The following MAGEA11 variants were observed in gnomAD, a reference collection of about 807,000 sequenced individuals.
MAGEA11 encodes the protein melanoma-associated antigen 11.
Under a neutral mutation model 8.4 loss-of-function variants are expected in MAGEA11, and 1 was observed. The ratio of observed to expected loss-of-function variants is 0.12; its 90% CI spans 0.04 to 0.57. MAGEA11 has a LOEUF of 0.57. MAGEA11 is among the 20% of genes least tolerant of loss of function. The pLI, the probability that MAGEA11 is intolerant of heterozygous loss-of-function variation, is 0.91. For synonymous variants in MAGEA11, 127 were observed against 119.3 expected (o/e 1.06, Z -0.42); for missense variants, 209 against 317.3 (o/e 0.66, Z 2.59).
At chrX:149,693,833 T>C (rs1048539027) in intron 1 of MAGEA11, among the ~76,000 whole-genome samples, 1 of 112,267 alleles carries the variant, frequency 8.9e-6, no homozygotes, top group Admixed American at 9.4e-5. Context: ...GCTTTTTGTG[T>C]GTGTTTGTCT....
At position 149,689,949 on chromosome X, in the gene MAGEA11, C is replaced by T. The variant is rs781783430; in HGVS notation, c.9+965C>T. Among the ~76,000 whole-genome samples, 11 of 112,304 alleles carry T rather than the reference C, an allele frequency of 9.8e-5. No homozygotes were observed. The South Asian group carries it at 3.8e-3, about 39-fold the overall frequency. On this transcript the variant is annotated intron_variant, in intron 1 of 3. Coordinates refer to the MAGEA11 transcript ENST00000333104. ...GTTTACCCTCCCTCCCTCCAATCCACTATCCCTCTGAGAATTTTGCAAGGA... is the reference window on the plus strand; with the variant it reads ...GTTTACCCTCCCTCCCTCCAATCCATTATCCCTCTGAGAATTTTGCAAGGA...
chrX:149,696,812 G>C (rs1210747720), intron 1 of MAGEA11, among the ~76,000 whole-genome samples: 2 of 111,871 alleles, frequency 1.8e-5, no homozygotes, highest in East Asian at 5.6e-4. Context: ...CTTTTACATG[G>C]CTTCTGGCCC....
chrX:149,714,849 C>T (rs1419496327), intron 3 of MAGEA11, among the ~76,000 whole-genome samples: 1 of 111,216 alleles, frequency 9.0e-6, no homozygotes, highest in Non-Finnish European at 1.9e-5. Context: ...GGGACTCAGC[C>T]CTTCCCTGCC....
intron 1 of MAGEA11, among the ~76,000 whole-genome samples, chrX:149,703,801 T>C (rs2090364071): frequency 8.9e-6 from 1 of 111,857 alleles, no homozygotes; most frequent in Non-Finnish European, 1.9e-5. Context: ...CACACAATAA[T>C]AATAGCCACT....
At chrX:149,701,030 G>A (rs2090350814) in intron 1 of MAGEA11, among the ~76,000 whole-genome samples, 1 of 110,124 alleles carries the variant, frequency 9.1e-6, no homozygotes, top group Non-Finnish European at 1.9e-5. Context: ...AAACATACGT[G>A]TGCATGTGTC....
At chrX:149,688,970 A>C in exon 1 of MAGEA11, 1 of 1,027,338 alleles carries the variant, frequency 9.7e-7, no homozygotes. Context: ...CAGGCTAGGA[A>C]TACCAATGAG....
At chrX:149,707,812 T>C (rs2090383609), upstream of MAGEA11, among the ~76,000 whole-genome samples, 1 of 112,302 alleles carries the variant, frequency 8.9e-6, no homozygotes, top group Non-Finnish European at 1.9e-5. Context: ...TAAACATTTA[T>C]CCTCTTATTT....
At chrX:149,689,111 TC>T (rs1557359922) in intron 1 of MAGEA11, 4 of 585,462 alleles carry the variant, frequency 6.8e-6, no homozygotes, top group African/African-American at 2.3e-5. Context: ...TCAGAATGCC[TC>T]CCATGGTTTC....
At chrX:149,689,043 CTAATTCAG>C in intron 1 of MAGEA11, 1 of 943,221 alleles carries the variant, frequency 1.1e-6, no homozygotes, top group South Asian at 1.9e-5. Flanking sequence ...CCAGGACCAA[CTAATTCAG>C]TAACTATAGA....
At chrX:149,691,413 C>T (rs1557360133) in intron 1 of MAGEA11, among the ~76,000 whole-genome samples, 1 of 111,511 alleles carries the variant, frequency 9.0e-6, no homozygotes, top group East Asian at 2.8e-4. Context: ...GGATGGAAGA[C>T]ATTTTGAATT....
At chrX:149,701,696 T>C (rs1367398019) in intron 1 of MAGEA11, among the ~76,000 whole-genome samples, 2 of 110,683 alleles carry the variant, frequency 1.8e-5, no homozygotes, top group Non-Finnish European at 3.8e-5. Flanking sequence ...TTTTATGGTT[T>C]TAGGTCTAAC....
intron 1 of MAGEA11, among the ~76,000 whole-genome samples, chrX:149,690,702 G>T (rs1233354861): frequency 8.9e-6 from 1 of 112,123 alleles, no homozygotes; most frequent in African/African-American, 3.2e-5. Context: ...AGGAAAATAT[G>T]TTTTATACTT....
upstream of MAGEA11, among the ~76,000 whole-genome samples, chrX:149,708,625 G>C (rs1009995113): frequency 9.0e-6 from 1 of 111,110 alleles, no homozygotes; most frequent in African/African-American, 3.3e-5. Context: ...CAGGACCCTG[G>C]AACAGAGAGT....
At chrX:149,708,191 C>T (rs1256166530), upstream of MAGEA11, among the ~76,000 whole-genome samples, 3 of 111,758 alleles carry the variant, frequency 2.7e-5, no homozygotes, top group African/African-American at 6.5e-5. Flanking sequence ...AATTATTTCC[C>T]GAGGGTGATA....
chrX:149,704,020 C>G (rs1462081829), intron 1 of MAGEA11, among the ~76,000 whole-genome samples: 2 of 112,388 alleles, frequency 1.8e-5, no homozygotes, highest in Non-Finnish European at 3.8e-5. Flanking sequence ...AGCCCTGTCT[C>G]TGTACTGGGT....
chrX:149,697,372 A>C (rs782100828), intron 1 of MAGEA11, among the ~76,000 whole-genome samples: 1 of 111,424 alleles, frequency 9.0e-6, no homozygotes, highest in South Asian at 3.8e-4. Context: ...GTCTCCTTCC[A>C]GTCTTTTCCT....
In MAGEA11 at chrX:149,713,147, G is replaced by C; in HGVS notation, c.-13G>C. ...CTGAGGTGCCTTTTCATTCAGCCTT[G>C]GGAATCTGAGGGATGGAGACTCAGT... On this transcript the variant is annotated 5_prime_UTR_variant, in exon 2 of 5. Transcript: ENST00000355220. The C allele has an allele frequency of 8.4e-7, 1 of 1,185,263 alleles. No homozygotes were observed. Among genetic ancestry groups the C allele is most frequent in the Middle Eastern group, 2.3e-4 (1 of 4,285 alleles).
intron 1 of MAGEA11, among the ~76,000 whole-genome samples, chrX:149,703,521 G>A (rs1454894767): frequency 9.0e-6 from 1 of 111,404 alleles, no homozygotes; most frequent in Admixed American, 9.5e-5. Flanking sequence ...TTGGATGCAG[G>A]GAGGGTGAGC....
intron 1 of MAGEA11, among the ~76,000 whole-genome samples, chrX:149,691,261 C>T (rs1398279492): frequency 2.7e-5 from 3 of 110,618 alleles, no homozygotes; most frequent in Non-Finnish European, 3.8e-5. Context: ...CCTCATTTTC[C>T]CCTCTGCTTT....
Sources: gnomAD v4.1 joint callset for allele counts (sites outside exome capture counted in the v4.1 genomes callset) on GRCh38, gnomAD v4.1.1 for gene constraint, MANE v1.5 for transcripts, NCBI Gene and HGNC (gene_info 2026-07-23, HGNC 2026-07-21) for gene names.